The following RALGPS1 variants were observed in gnomAD, a reference collection of about 807,000 sequenced individuals.
The protein encoded by RALGPS1 is Ral GEF with PH domain and SH3 binding motif 1, also known as ras-specific guanine nucleotide-releasing factor RalGPS1.
In RALGPS1, 19 loss-of-function variants were observed where a neutral mutation model predicts 78.8. The observed-to-expected ratio is 0.24, with a 90% CI of 0.17 to 0.35. The LOEUF is 0.35. Among genes scored for constraint, RALGPS1 ranks in the 10% least tolerant of loss-of-function variants. RALGPS1 has a pLI of 1.00. For missense variants in RALGPS1, 454 were observed against 688.3 expected, an observed-to-expected ratio of 0.66 and a Z score of 3.81; for synonymous variants, 228 against 256.3, an observed-to-expected ratio of 0.89 and a Z score of 1.06.
chr9:127,049,992 A>G, intron 5 of RALGPS1, 51 bp from the exon 6 acceptor site: 1 of 1,388,844 alleles, frequency 7.2e-7, no homozygotes, highest in African/African-American at 1.4e-5. Context: ...TCCAGCAATT[A>G]ACAACTTTTC....
Position 127,212,600 on chromosome 9 carries a change from ATCAC to A in RALGPS1, c.1354-23_1354-20del. On this transcript the variant is annotated intron_variant, in intron 15 of 18. Transcript: ENST00000259351. The surrounding 1 kb of genome is among the most constrained non-coding windows in gnomAD (Gnocchi z 6.0). ...CTCTACCCCCACGACCCCTGGTGGC[ATCAC>A]TCAGCCTCCCCTTCCTCTGTAGCTG... The A allele has an allele frequency of 6.5e-7, 1 of 1,538,798 alleles. No homozygotes were observed. The highest frequency in any genetic ancestry group is 8.9e-7 in the Non-Finnish European group (1 of 1,118,586).
intron 4 of RALGPS1, among the ~76,000 whole-genome samples, chr9:127,006,609 T>C (rs1188492057): frequency 2.0e-5 from 3 of 152,232 alleles, no homozygotes; most frequent in Admixed American, 6.5e-5. Flanking sequence ...CTAATAACTT[T>C]CCATGAATTA....
intron 10 of RALGPS1, among the ~76,000 whole-genome samples, chr9:127,171,539 C>T (rs1406116290): frequency 2.0e-5 from 3 of 152,192 alleles, no homozygotes; most frequent in African/African-American, 7.2e-5. Flanking sequence ...GAGGGCGGAT[C>T]ACCTGAAGTC....
rs978705188 is a variant in RALGPS1 at position 127,035,313 on chromosome 9, C to T, written c.300+799C>T. ...TGCACTACTTTAAACTGACTTGGTCCAACAAGAACCTGTGCTCCAGGTATG... is the reference window on the plus strand; with the variant it reads ...TGCACTACTTTAAACTGACTTGGTCTAACAAGAACCTGTGCTCCAGGTATG... On this transcript the variant is annotated intron_variant, in intron 5 of 18. Coordinates refer to ENST00000259351, the MANE Select transcript of RALGPS1 (RefSeq NM_014636.3). Among the ~76,000 whole-genome samples, 11 of 152,070 alleles carry T rather than the reference C, an allele frequency of 7.2e-5. 1 individual carries two copies. Among genetic ancestry groups the T allele is most frequent in the East Asian group, 1.9e-4 (1 of 5,196 alleles).
chr9:126,990,587 G>T (rs1013063406), intron 4 of RALGPS1, among the ~76,000 whole-genome samples: 4 of 152,178 alleles, frequency 2.6e-5, no homozygotes, highest in Admixed American at 6.5e-5. Context: ...CAGCACCTCC[G>T]CACAGGTTGT....
intron 4 of RALGPS1, among the ~76,000 whole-genome samples, chr9:127,010,084 G>A (rs556907378): frequency 5.9e-5 from 9 of 152,298 alleles, no homozygotes; most frequent in Non-Finnish European, 8.8e-5. Flanking sequence ...CTGAAGGGCT[G>A]TGAGAGTAGA....
chr9:127,164,886 ATATATATATGTGTATATG>A (rs993200745), intron 8 of RALGPS1, among the ~76,000 whole-genome samples: 1 of 152,062 alleles, frequency 6.6e-6, no homozygotes, highest in Non-Finnish European at 1.5e-5. Context: ...CATTGCATTA[ATATATATATGTGTATATG>A]TATATATATG....
chr9:127,000,683 G>C (rs1588942833), intron 4 of RALGPS1, among the ~76,000 whole-genome samples: 1 of 150,800 alleles, frequency 6.6e-6, no homozygotes, highest in East Asian at 2.0e-4. Flanking sequence ...AGAGTAGCTG[G>C]GATTACAGTC....
At position 127,191,790 on chromosome 9, in the gene RALGPS1, C is replaced by T. The variant is rs1288632156; in HGVS notation, c.911-3301C>T. On this transcript the variant is annotated intron_variant, in intron 11 of 18. Coordinates refer to ENST00000259351, the MANE Select transcript of RALGPS1 (RefSeq NM_014636.3). ...TCGGCTCACTGCAAGCTCTGCCTCC[C>T]AGGTTCACGCCATTCTCCTGCCTCA... is the stretch of plus-strand genomic sequence containing the variant. Among the ~76,000 whole-genome samples, 4 of 151,268 alleles carry T rather than the reference C, an allele frequency of 2.6e-5. No homozygotes were observed. In the East Asian group the frequency reaches 7.8e-4, roughly 29 times the overall value.
chr9:127,152,525 C>A (rs1234812312), intron 8 of RALGPS1, among the ~76,000 whole-genome samples: 1 of 152,148 alleles, frequency 6.6e-6, no homozygotes, highest in African/African-American at 2.4e-5. Context: ...GGTCATTGGC[C>A]CAAATTTTCT....
intron 5 of RALGPS1, among the ~76,000 whole-genome samples, chr9:127,042,839 C>G (rs1245192188): frequency 6.6e-6 from 1 of 151,996 alleles, no homozygotes; most frequent in East Asian, 1.9e-4. Flanking sequence ...GGACACAGGC[C>G]AGTATACAAG....
At chr9:127,201,250 G>A (rs1319953974) in intron 14 of RALGPS1, among the ~76,000 whole-genome samples, 3 of 152,214 alleles carry the variant, frequency 2.0e-5, no homozygotes, top group Non-Finnish European at 1.5e-5. Context: ...GCAGATGCCC[G>A]GCTCTGCCTC....
chr9:127,105,119 C>G (rs2054096242), intron 8 of RALGPS1, among the ~76,000 whole-genome samples: 1 of 152,188 alleles, frequency 6.6e-6, no homozygotes, highest in Non-Finnish European at 1.5e-5. Flanking sequence ...GGCACTCAAT[C>G]CCAGCTGGCA....
intron 4 of RALGPS1, among the ~76,000 whole-genome samples, chr9:127,024,826 T>C (rs2045824825): frequency 6.6e-6 from 1 of 152,244 alleles, no homozygotes; most frequent in South Asian, 2.1e-4. Context: ...CAGTGTGAAC[T>C]AGTTGTTTTC....
At chr9:127,013,633 G>A (rs376316511) in intron 4 of RALGPS1, among the ~76,000 whole-genome samples, 68 of 152,110 alleles carry the variant, frequency 4.5e-4, no homozygotes, top group African/African-American at 7.7e-4. Flanking sequence ...ATCCCACTCC[G>A]TTGCCCAATC....
intron 1 of RALGPS1, among the ~76,000 whole-genome samples, chr9:126,939,057 C>G (rs919071503): frequency 2.0e-5 from 3 of 152,158 alleles, no homozygotes; most frequent in Admixed American, 6.5e-5. Context: ...TACAGCGGAG[C>G]CACTTCTAAG....
chr9:127,011,128 C>T (rs1046178279), intron 4 of RALGPS1, among the ~76,000 whole-genome samples: 5 of 151,996 alleles, frequency 3.3e-5, no homozygotes, highest in Admixed American at 6.6e-5. Context: ...TTTGCCCTGG[C>T]GGCTGGAGAT....
intron 5 of RALGPS1, among the ~76,000 whole-genome samples, chr9:127,047,411 A>G (rs2047897811): frequency 6.6e-6 from 1 of 152,212 alleles, no homozygotes; most frequent in African/African-American, 2.4e-5. Flanking sequence ...TAGAGAAAAA[A>G]AAGATGGCCG....
chr9:126,964,389 C>T (rs1293886220), intron 2 of RALGPS1, among the ~76,000 whole-genome samples: 1 of 148,492 alleles, frequency 6.7e-6, no homozygotes, highest in African/African-American at 2.5e-5. Context: ...AAAAAAAAAG[C>T]CATGCCTGAG....
Sources: allele counts gnomAD v4.1 joint callset (sites outside exome capture counted in the v4.1 genomes callset), GRCh38; gene constraint gnomAD v4.1.1; non-coding constraint Gnocchi (gnomAD v3.1); transcripts MANE v1.5; gene names NCBI Gene and HGNC (gene_info 2026-07-23, HGNC 2026-07-21).